MEGF10: variants seen among roughly 807,000 people sequenced by gnomAD.
MEGF10 encodes the protein multiple epidermal growth factor-like domains protein 10.
In MEGF10, 86 loss-of-function variants were observed where a neutral mutation model predicts 147.5. The observed-to-expected ratio is 0.58, with a 90% confidence interval of 0.49 to 0.70. The LOEUF (loss-of-function observed/expected upper bound fraction) is 0.70. Ranked by LOEUF, MEGF10 falls within the 30% of genes least tolerant of loss-of-function variation. MEGF10 has a pLI of 0.00. For synonymous variants in MEGF10, 478 were observed against 525.5 expected, an observed-to-expected ratio of 0.91 and a Z score of 1.24; for missense variants, 1,329 against 1,487.3, an observed-to-expected ratio of 0.89 and a Z score of 1.75.
In MEGF10 at chr5:127,457,216, C is replaced by T; in HGVS notation, c.3321C>T (p.Ile1107=). Residue 1107 remains isoleucine, a synonymous_variant, in exon 25 of 25, where the codon ATC becomes ATT. Coordinates refer to ENST00000503335, the MANE Select transcript of MEGF10 (RefSeq NM_001256545.2). The part of the protein sequence containing the change: ...DPYDLPKNSH[I]PCHYDLLPVR... ...ATGACCTCCCAAAGAACAGTCACAT[C>T]CCTTGTCATTATGACCTGCTGCCAG... The T allele has an allele frequency of 2.5e-6, 4 of 1,614,136 alleles. No homozygotes were observed. Among genetic ancestry groups the T allele is most frequent in the Non-Finnish European group, 3.4e-6 (4 of 1,180,004 alleles).
chr5:127,312,966 CTTCA>C (rs1208079407), intron 1 of MEGF10, among the ~76,000 whole-genome samples: 3 of 152,106 alleles, frequency 2.0e-5, no homozygotes, highest in African/African-American at 7.2e-5. Flanking sequence ...AGGCAAATGT[CTTCA>C]TTAAGGTTGT....
intron 22 of MEGF10, among the ~76,000 whole-genome samples, chr5:127,451,359 G>A (rs569715538): frequency 2.6e-5 from 4 of 152,330 alleles, no homozygotes; most frequent in Admixed American, 2.6e-4. Flanking sequence ...TTTCCATAGT[G>A]TAGTCGTTAT....
intron 2 of MEGF10, among the ~76,000 whole-genome samples, chr5:127,335,081 A>G (rs560205281): frequency 6.6e-6 from 1 of 152,304 alleles, no homozygotes; most frequent in African/African-American, 2.4e-5. Flanking sequence ...TATTTTCAGT[A>G]TGTTTGAGAA....
intron 21 of MEGF10, 56 bp downstream of exon 21, chr5:127,447,740 C>A: frequency 6.2e-7 from 1 of 1,608,202 alleles, no homozygotes; most frequent in South Asian, 1.1e-5. Flanking sequence ...GGAAGGGAAC[C>A]AGCATTTATT....
chr5:127,332,290 G>C (rs1333008218), intron 2 of MEGF10, among the ~76,000 whole-genome samples: 2 of 149,656 alleles, frequency 1.3e-5, no homozygotes, highest in Non-Finnish European at 3.0e-5. Context: ...AACTGTAAAT[G>C]CAAGTGTTTT....
chr5:127,266,948 C>T, the MEGF10 span, among the ~76,000 whole-genome samples: 1 of 152,162 alleles, frequency 6.6e-6, no homozygotes, highest in Admixed American at 6.5e-5. Context: ...GCCAGAACTT[C>T]CAACACTATG....
chr5:127,309,387 C>A (rs2126731806), intron 1 of MEGF10, among the ~76,000 whole-genome samples: 1 of 152,294 alleles, frequency 6.6e-6, no homozygotes, highest in African/African-American at 2.4e-5. Context: ...CATCCATCTC[C>A]AGAACTTTTT....
chr5:127,419,458 AG>A (rs1368327765), intron 11 of MEGF10, among the ~76,000 whole-genome samples: 1 of 152,122 alleles, frequency 6.6e-6, no homozygotes, highest in African/African-American at 2.4e-5. Context: ...CAGCTCCAAA[AG>A]TCTCTGTGTC....
intron 4 of MEGF10, among the ~76,000 whole-genome samples, chr5:127,357,442 C>A (rs1025630445): frequency 6.6e-6 from 1 of 151,624 alleles, no homozygotes; most frequent in Non-Finnish European, 1.5e-5. Context: ...ATAGATCGGG[C>A]AGCTGATACA....
At chr5:127,234,220 T>A in the MEGF10 span, among the ~76,000 whole-genome samples, 1 of 152,186 alleles carries the variant, frequency 6.6e-6, no homozygotes, top group African/African-American at 2.4e-5. Flanking sequence ...AGGAAGAAGG[T>A]ATGCACAAAG....
the MEGF10 span, among the ~76,000 whole-genome samples, chr5:127,247,317 A>AGAGGAG: frequency 9.7e-6 from 1 of 102,988 alleles, no homozygotes; most frequent in South Asian, 3.2e-4. Context: ...AGAGAAAGAG[A>AGAGGAG]GAGAAGAAGA....
At chr5:127,450,050 TAAAA>T (rs1279923848) in intron 22 of MEGF10, among the ~76,000 whole-genome samples, 1 of 152,328 alleles carries the variant, frequency 6.6e-6, no homozygotes, top group South Asian at 2.1e-4. Context: ...TACATTTTTA[TAAAA>T]AAATCTCTTT....
chr5:127,269,401 G>C, the MEGF10 span, among the ~76,000 whole-genome samples: 1 of 152,232 alleles, frequency 6.6e-6, no homozygotes, highest in African/African-American at 2.4e-5. Flanking sequence ...TAAATGACCT[G>C]ATTGAGCTGA....
chr5:127,373,053 G>A (rs1378744746), intron 5 of MEGF10, among the ~76,000 whole-genome samples: 1 of 152,146 alleles, frequency 6.6e-6, no homozygotes, highest in Non-Finnish European at 1.5e-5. Flanking sequence ...ATTTATATCA[G>A]TAAGAACTCA....
chr5:127,329,149 T>C (rs1303406595), intron 1 of MEGF10, among the ~76,000 whole-genome samples: 1 of 152,210 alleles, frequency 6.6e-6, no homozygotes, highest in Non-Finnish European at 1.5e-5. Context: ...CTTCTTTATA[T>C]AATGTTAAGC....
At chr5:127,306,068 A>T (rs79135446) in intron 1 of MEGF10, among the ~76,000 whole-genome samples, 2,747 of 152,306 alleles carry the variant, frequency 0.018, 73 homozygotes, top group East Asian at 0.11. Context: ...TCACCCAAGG[A>T]AGGTTTCTTG....
chr5:127,447,833 G>A, intron 21 of MEGF10, 149 bp downstream of exon 21: 1 of 1,083,358 alleles, frequency 9.2e-7, no homozygotes, highest in Non-Finnish European at 1.3e-6. Flanking sequence ...CTCTGAGTGT[G>A]CTTTGGGAAT....
chr5:127,256,989 A>AT, the MEGF10 span, among the ~76,000 whole-genome samples: 2 of 152,130 alleles, frequency 1.3e-5, no homozygotes, highest in African/African-American at 2.4e-5. Flanking sequence ...GGAGTAGGGT[A>AT]TAGGAGTAAA....
chr5:127,387,365 T>C (rs1435022552), intron 5 of MEGF10, among the ~76,000 whole-genome samples: 2 of 152,206 alleles, frequency 1.3e-5, no homozygotes, highest in African/African-American at 4.8e-5. Flanking sequence ...AATACCTGTG[T>C]GATTATGGAC....
Sources: allele counts gnomAD v4.1 joint callset (sites outside exome capture counted in the v4.1 genomes callset), GRCh38; gene constraint gnomAD v4.1.1; transcripts MANE v1.5; gene names NCBI Gene and HGNC (gene_info 2026-07-23, HGNC 2026-07-21).